The following PCSK9 variants were observed in gnomAD, a reference collection of about 807,000 sequenced individuals.
PCSK9 encodes proprotein convertase subtilisin/kexin type 9, also known as convertase subtilisin/kexin type 9 preproprotein.
A neutral mutation model predicts 62.1 loss-of-function variants in PCSK9; 57 were observed. The observed-to-expected ratio is 0.92, with a 90% CI of 0.74 to 1.14. The LOEUF (loss-of-function observed/expected upper bound fraction) is 1.14. Ranked by LOEUF, PCSK9 falls within the 50% of genes most tolerant of loss-of-function variation. PCSK9 has a pLI of 0.00. For missense variants in PCSK9, 870 were observed against 959.8 expected, an observed-to-expected ratio of 0.91 and a Z score of 1.24; for synonymous variants, 387 against 409.4, an observed-to-expected ratio of 0.95 and a Z score of 0.66.
rs1278078294 is a variant in PCSK9 at position 55,052,406 on chromosome 1, A to G, written c.652A>G (p.Arg218Gly). ...VPEEDGTRFHRQASKCDSHGT... is the reference protein window; with the variant it reads ...VPEEDGTRFHGQASKCDSHGT... ...CGAGGAGGACGGGACCCGCTTCCAC[A>G]GACAGGTAAGCACGGCCGTCTGATG... is the stretch of plus-strand genomic sequence containing the variant. Residue 218 changes from arginine (R) to glycine (G), a missense_variant, in exon 4 of 12, where the codon AGA becomes GGA. Transcript: ENST00000302118. 3 of 1,613,770 alleles carry G rather than the reference A, an allele frequency of 1.9e-6. No individual in the cohort carries two copies. The highest frequency in any genetic ancestry group is 2.7e-5 in the African/African-American group (2 of 74,996).
chr1:55,043,550 G>A lies in PCSK9; in HGVS notation c.208-293G>A, dbSNP rs113138552. Among the ~76,000 whole-genome samples the A allele has an allele frequency of 2.6e-5, 4 of 152,364 alleles. 1 individual carries two copies. The highest frequency in any genetic ancestry group is 7.2e-5 in the African/African-American group (3 of 41,596). Reference sequence around the variant, plus strand: ...AGGGCCACCAGGAGCGACCAGGCCCGTAGAGAGCTGGGTGCAGGTACAGAG... The same window carrying A: ...AGGGCCACCAGGAGCGACCAGGCCCATAGAGAGCTGGGTGCAGGTACAGAG... On this transcript the variant is annotated intron_variant, in intron 1 of 11. Coordinates refer to ENST00000302118, the MANE Select transcript of PCSK9 (RefSeq NM_174936.4).
chr1:55,049,180 G>A (rs1480122317), intron 3 of PCSK9, among the ~76,000 whole-genome samples: 1 of 152,152 alleles, frequency 6.6e-6, no homozygotes, highest in Admixed American at 6.6e-5. Flanking sequence ...CAAGACCTAC[G>A]GGGGCATTAT....
Position 55,044,050 on chromosome 1 carries a change from T to C in PCSK9, c.399+16T>C. 1.9e-6 allele frequency: 3 copies of C among 1,613,914 alleles called. No homozygotes were observed. The highest frequency in any genetic ancestry group is 2.5e-6 in the Non-Finnish European group (3 of 1,179,934). Reference sequence around the variant, plus strand: ...GCTGGAGCTGGTGAGCCACCCTTTTTGGGAATGGCACTTCCTGATAGGGCT... The same window carrying C: ...GCTGGAGCTGGTGAGCCACCCTTTTCGGGAATGGCACTTCCTGATAGGGCT... On this transcript the variant is annotated intron_variant, in intron 2 of 11. Transcript: ENST00000302118.
At chr1:55,054,920 G>C (rs1426355586) in intron 5 of PCSK9, among the ~76,000 whole-genome samples, 4 of 152,114 alleles carry the variant, frequency 2.6e-5, no homozygotes. Flanking sequence ...CAGGAGAATG[G>C]CGTGAACCCG....
Position 55,057,242 on chromosome 1 carries a change from T to C in PCSK9, c.997-89T>C, listed in dbSNP as rs151072668. On this transcript the variant is annotated intron_variant, in intron 6 of 11. Transcript: ENST00000302118. ...GGGACCCAAACAGGTGTATAGCAGT[T>C]GTCCAGCCCAGCTGGCAAGGCCTGA... 73 of 1,479,524 alleles carry C rather than the reference T, an allele frequency of 4.9e-5. No homozygotes were observed. The African/African-American group carries it at 7.5e-4, about 15-fold the overall frequency. 91.6% of individuals were successfully genotyped at this position (1,479,524 alleles called of 1,614,324 possible).
At chr1:55,062,084 G>A (rs372959642) in intron 11 of PCSK9, among the ~76,000 whole-genome samples, 3 of 152,338 alleles carry the variant, frequency 2.0e-5, no homozygotes, top group South Asian at 4.1e-4. Flanking sequence ...TGACCCAGAG[G>A]GGGTGCCTGA....
intron 5 of PCSK9, among the ~76,000 whole-genome samples, chr1:55,054,962 G>A (rs189665759): frequency 7.3e-4 from 111 of 151,762 alleles, no homozygotes; most frequent in African/African-American, 2.5e-3. Context: ...CCGAGATTGC[G>A]CCACTGCACT....
chr1:55,054,803 A>T, intron 5 of PCSK9, among the ~76,000 whole-genome samples: 1 of 152,300 alleles, frequency 6.6e-6, no homozygotes, highest in African/African-American at 2.4e-5. Flanking sequence ...CAGGACATCG[A>T]GACCATCCTT....
chr1:55,044,608 T>C (rs184548073), intron 2 of PCSK9, among the ~76,000 whole-genome samples: 1 of 152,296 alleles, frequency 6.6e-6, no homozygotes, highest in Non-Finnish European at 1.5e-5. Flanking sequence ...AAAACGTTTT[T>C]ATTTGTGCTT....
intron 6 of PCSK9, 45 bp from the exon 7 acceptor site, chr1:55,057,285 CT>C: frequency 1.3e-6 from 2 of 1,586,442 alleles, no homozygotes; most frequent in South Asian, 2.2e-5. Context: ...TCTGCAACCC[CT>C]CTCTTGGGCT....
rs547497546 is a variant in PCSK9 at position 55,052,035 on chromosome 1, A to G, written c.524-243A>G. 17 of 578,848 alleles carry G rather than the reference A, an allele frequency of 2.9e-5. 1 individual carries two copies. In the East Asian group the frequency reaches 3.6e-4, roughly 12 times the overall value. 35.9% of individuals were successfully genotyped at this position (578,848 alleles called of 1,614,324 possible). ...CAGGATGACTTGGGTCCTTCTTGGC[A>G]GTAGCATTGCCAGCTGATGGCCTTG... On this transcript the variant is annotated intron_variant, in intron 3 of 11. Coordinates refer to ENST00000302118, the MANE Select transcript of PCSK9 (RefSeq NM_174936.4).
At chr1:55,059,177 A>T (rs1644740680) in intron 9 of PCSK9, among the ~76,000 whole-genome samples, 1 of 152,110 alleles carries the variant, frequency 6.6e-6, no homozygotes, top group Admixed American at 6.5e-5. Flanking sequence ...ATGGGGTCTT[A>T]ATGCTCGTGT....
chr1:55,047,234 G>T (rs1270698525), intron 3 of PCSK9, among the ~76,000 whole-genome samples: 2 of 152,232 alleles, frequency 1.3e-5, no homozygotes, highest in Non-Finnish European at 2.9e-5. Flanking sequence ...AAAACGGTCT[G>T]CATTCTAGCA....
Position 55,062,704 on chromosome 1 carries a change from G to A in PCSK9, c.1864-665G>A, listed in dbSNP as rs75266432. The stretch of plus-strand genomic sequence containing the variant: ...CCAGGAAACCAGAGAGGTGGGAATA[G>A]TTATGAGATGGGGGGTGCCTCAGAG... On this transcript the variant is annotated intron_variant, in intron 11 of 11. Transcript: ENST00000302118. Among the ~76,000 whole-genome samples, 934 of 152,302 alleles carry A rather than the reference G, an allele frequency of 6.1e-3. 28 individuals are homozygous for A. Among genetic ancestry groups the A allele is most frequent in the East Asian group, 0.027 (142 of 5,172 alleles).
intron 5 of PCSK9, among the ~76,000 whole-genome samples, chr1:55,055,221 C>T (rs1248271479): frequency 6.6e-6 from 1 of 152,152 alleles, no homozygotes; most frequent in Non-Finnish European, 1.5e-5. Context: ...GGCGGGGCCA[C>T]ACAGCTGGTG....
intron 11 of PCSK9, among the ~76,000 whole-genome samples, chr1:55,062,105 G>A (rs1644764752): frequency 6.6e-6 from 1 of 152,244 alleles, no homozygotes; most frequent in Non-Finnish European, 1.5e-5. Context: ...GCTGCATGCT[G>A]AAGGTTGTTA....
Position 55,046,608 on chromosome 1 carries a change from C to A in PCSK9, c.485C>A (p.Thr162Asn). 6.2e-7 allele frequency: 1 copy of A among 1,614,132 alleles called. No homozygotes were observed. Among genetic ancestry groups the A allele is most frequent in the South Asian group, 1.1e-5 (1 of 91,078 alleles). Reference sequence around the variant, plus strand: ...ATCCCGTGGAACCTGGAGCGGATTACCCCTCCACGGTACCGGGCGGATGAA... The same window carrying A: ...ATCCCGTGGAACCTGGAGCGGATTAACCCTCCACGGTACCGGGCGGATGAA... ...QSIPWNLERITPPRYRADEYQ... is the reference protein window; with the variant it reads ...QSIPWNLERINPPRYRADEYQ... The change falls in exon 3 of 12, where the codon ACC (threonine) becomes AAC (asparagine). Residue 162 changes from threonine (T) to asparagine (N), a missense_variant. Physicochemically the swap from Thr to Asn is moderately conservative, Grantham distance 65 (BLOSUM62 0). Transcript: ENST00000302118.
rs1484100884 is a variant in PCSK9 at position 55,050,982 on chromosome 1, G to A, written c.524-1296G>A. 4.0e-5 allele frequency: 15 copies of A among 373,616 alleles called. 1 individual carries two copies. The highest frequency in any genetic ancestry group is 2.4e-4 in the South Asian group (12 of 50,316). 23.1% of individuals were successfully genotyped at this position (373,616 alleles called of 1,614,324 possible). ...ATTTGACACACACAGGAGGGGCCAC[G>A]TGGAGACAGAGGTGGAGATTGGAGA... On this transcript the variant is annotated intron_variant, in intron 3 of 11. Transcript: ENST00000302118.
intron 7 of PCSK9, 81 bp from the exon 8 acceptor site, chr1:55,057,947 TGTGTGTGC>T (rs1482346709): frequency 6.6e-7 from 1 of 1,524,356 alleles, no homozygotes; most frequent in Non-Finnish European, 9.1e-7. Context: ...TTTGTGTGTA[TGTGTGTGC>T]GTGTGTGCAC....
Sources: allele counts gnomAD v4.1 joint callset (sites outside exome capture counted in the v4.1 genomes callset), GRCh38; gene constraint gnomAD v4.1.1; transcripts MANE v1.5; gene names NCBI Gene and HGNC (gene_info 2026-07-23, HGNC 2026-07-21).